SNRPE: variants seen among roughly 807,000 people sequenced by gnomAD.
The protein encoded by SNRPE is small nuclear ribonucleoprotein E.
For missense variants in SNRPE, 53 were observed against 111.6 expected (o/e 0.48, Z 2.36); for synonymous variants, 35 against 36.7 (o/e 0.95, Z 0.17).
intron 1 of SNRPE, 80 bp downstream of exon 1, chr1:203,861,793 G>T (rs1689982519): frequency 2.9e-6 from 3 of 1,041,214 alleles, no homozygotes; most frequent in African/African-American, 3.1e-5. Context: ...GGCAGGCCTG[G>T]GATAGTGGAG....
intron 4 of SNRPE, among the ~76,000 whole-genome samples, chr1:203,869,045 T>C (rs1690153993): frequency 6.6e-6 from 1 of 152,214 alleles, no homozygotes; most frequent in Non-Finnish European, 1.5e-5. Context: ...TCATAAATTA[T>C]TTACCAACTG....
intron 3 of SNRPE, 25 bp downstream of exon 3, chr1:203,863,750 C>G: frequency 1.4e-6 from 2 of 1,478,656 alleles, no homozygotes; most frequent in Non-Finnish European, 1.9e-6. Context: ...GATTTCATCT[C>G]ATAGCAGTTC....
At chr1:203,864,215 A>G (rs2103506871) in intron 3 of SNRPE, among the ~76,000 whole-genome samples, 1 of 151,706 alleles carries the variant, frequency 6.6e-6, no homozygotes, top group Non-Finnish European at 1.5e-5. Context: ...CAGCCTCTCA[A>G]AGTCTTGGGA....
chr1:203,868,401 C>T (rs948389266), intron 4 of SNRPE, among the ~76,000 whole-genome samples: 2 of 152,186 alleles, frequency 1.3e-5, no homozygotes, highest in Non-Finnish European at 2.9e-5. Flanking sequence ...TTAGGATTCA[C>T]GGTTTCATCA....
chr1:203,867,107 G>GAAAGAAAAA (rs1690103643), intron 4 of SNRPE, among the ~76,000 whole-genome samples: 1 of 52,902 alleles, frequency 1.9e-5, no homozygotes, highest in Non-Finnish European at 3.7e-5. Context: ...TGTCTTTCCT[G>GAAAGAAAAA]AAAAAAAAAA....
chr1:203,866,172 A>C (rs1004654925), intron 4 of SNRPE, among the ~76,000 whole-genome samples: 11 of 152,244 alleles, frequency 7.2e-5, no homozygotes, highest in African/African-American at 2.7e-4. Context: ...GCTGCTGGCC[A>C]TCAGTCAATC....
At chr1:203,865,425 A>G in intron 4 of SNRPE, among the ~76,000 whole-genome samples, 1 of 152,038 alleles carries the variant, frequency 6.6e-6, no homozygotes, top group Non-Finnish European at 1.5e-5. Context: ...CTCCCTCCTT[A>G]AAGCGCTTTG....
At chr1:203,861,840 A>G in intron 1 of SNRPE, 127 bp downstream of exon 1, 1 of 782,920 alleles carries the variant, frequency 1.3e-6, no homozygotes. Flanking sequence ...GGGGCTACCA[A>G]GACTGGAAGA....
intron 3 of SNRPE, among the ~76,000 whole-genome samples, chr1:203,864,796 T>C (rs1690052596): frequency 6.7e-6 from 1 of 148,550 alleles, no homozygotes; most frequent in South Asian, 2.1e-4. Flanking sequence ...AAGAATTGCT[T>C]GAACCCAGGA....
At chr1:203,864,901 ACTTTGGGTG>A in intron 3 of SNRPE, 131 bp from the exon 4 acceptor site, 1 of 482,888 alleles carries the variant, frequency 2.1e-6, no homozygotes, top group Non-Finnish European at 3.1e-6. Context: ...AAAAAAAAAA[ACTTTGGGTG>A]GAAGGTGGGG....
chr1:203,863,778 TAACAG>T, intron 3 of SNRPE, 53 bp downstream of exon 3: 1 of 1,212,580 alleles, frequency 8.2e-7, no homozygotes, highest in Non-Finnish European at 1.2e-6. Flanking sequence ...GAAAAAGACT[TAACAG>T]AAAGTGTCTA....
At chr1:203,865,957 C>T (rs1690078858) in intron 4 of SNRPE, among the ~76,000 whole-genome samples, 1 of 152,164 alleles carries the variant, frequency 6.6e-6, no homozygotes, top group Non-Finnish European at 1.5e-5. Flanking sequence ...GGAACCTCCA[C>T]ATGTTGAGCT....
intron 2 of SNRPE, among the ~76,000 whole-genome samples, chr1:203,863,076 G>A (rs1481594429): frequency 1.1e-4 from 16 of 151,720 alleles, no homozygotes; most frequent in Admixed American, 1.1e-3. Flanking sequence ...ATAATTCTTA[G>A]ATATGGGCTA....
intron 4 of SNRPE, among the ~76,000 whole-genome samples, chr1:203,865,717 T>C (rs1690073004): frequency 6.6e-6 from 1 of 152,184 alleles, no homozygotes; most frequent in South Asian, 2.1e-4. Context: ...AATTGTCAGC[T>C]CCAGATTGTT....
rs1025062087 is a variant in SNRPE at position 203,870,173 on chromosome 1, G to A, written c.*241G>A. ...GTATTTAGTTTTCTGAAGGGTCGCAGTTGCCTTGAGCACTTGGTATTCGCA... is the reference window on the plus strand; with the variant it reads ...GTATTTAGTTTTCTGAAGGGTCGCAATTGCCTTGAGCACTTGGTATTCGCA... On this transcript the variant is annotated 3_prime_UTR_variant, in exon 5 of 5. Coordinates refer to ENST00000414487, the MANE Select transcript of SNRPE (RefSeq NM_003094.4). 1.7e-5 allele frequency: 6 copies of A among 356,558 alleles called. No homozygotes were observed. Among genetic ancestry groups the A allele is most frequent in the African/African-American group, 1.3e-4 (6 of 47,054 alleles). The allele number at this position is 356,558 out of a possible 1,614,324, so 22.1% of individuals were successfully genotyped here.
At chr1:203,865,903 A>G (rs1572404791) in intron 4 of SNRPE, among the ~76,000 whole-genome samples, 1 of 152,220 alleles carries the variant, frequency 6.6e-6, no homozygotes, top group Non-Finnish European at 1.5e-5. Flanking sequence ...GGCATATAGG[A>G]AGGGATGCGA....
intron 3 of SNRPE, among the ~76,000 whole-genome samples, chr1:203,864,748 G>A (rs572973257): frequency 7.2e-5 from 11 of 152,010 alleles, no homozygotes; most frequent in Admixed American, 3.3e-4. Context: ...ATGGTGGTGC[G>A]CCCTGTAGTT....
chr1:203,867,107 G>GAAAAAAAAAAAA (rs71566135), intron 4 of SNRPE, among the ~76,000 whole-genome samples: 2 of 52,900 alleles, frequency 3.8e-5, no homozygotes, highest in African/African-American at 1.6e-4. Context: ...TGTCTTTCCT[G>GAAAAAAAAAAAA]AAAAAAAAAA....
At chr1:203,868,915 CA>C (rs1690150919) in intron 4 of SNRPE, among the ~76,000 whole-genome samples, 1 of 152,158 alleles carries the variant, frequency 6.6e-6, no homozygotes, top group Admixed American at 6.5e-5. Context: ...GCATTCCACC[CA>C]CCTTGGCCTC....
Sources: allele counts gnomAD v4.1 joint callset (sites outside exome capture counted in the v4.1 genomes callset), GRCh38; gene constraint gnomAD v4.1.1; transcripts MANE v1.5; gene names NCBI Gene and HGNC (gene_info 2026-07-23, HGNC 2026-07-21).